Variants in CREB5 observed in about 807,000 individuals in gnomAD.
CREB5 encodes cAMP responsive element binding protein 5.
CREB5 carries 19 observed loss-of-function variants against 57.1 expected under a neutral mutation model. The ratio of observed to expected loss-of-function variants is 0.33; its 90% CI spans 0.23 to 0.49. The LOEUF is 0.49. Ranked by LOEUF, CREB5 falls within the 20% of genes least tolerant of loss-of-function variation. The pLI, the probability that CREB5 is intolerant of heterozygous loss-of-function variation, is 0.99. For missense variants in CREB5, 579 were observed against 671.6 expected (o/e 0.86, Z 1.52); for synonymous variants, 238 against 238.3 (o/e 1.00, Z 0.01).
At chr7:28,560,893 TGTGC>T (rs1437419750) in intron 4 of CREB5, among the ~76,000 whole-genome samples, 219 of 20,428 alleles carry the variant, frequency 0.011, 27 homozygotes, top group African/African-American at 0.03. Context: ...CGTGCGTGTG[TGTGC>T]GTGCGCGCGT....
At chr7:28,633,758 T>G (rs1798297757) in intron 5 of CREB5, among the ~76,000 whole-genome samples, 1 of 152,144 alleles carries the variant, frequency 6.6e-6, no homozygotes, top group Non-Finnish European at 1.5e-5. Flanking sequence ...TCCAAGAGCA[T>G]CTCCAAAGAC....
intron 1 of CREB5, among the ~76,000 whole-genome samples, chr7:28,460,912 T>TGG (rs564618153): frequency 6.6e-6 from 1 of 151,692 alleles, no homozygotes; most frequent in Non-Finnish European, 1.5e-5. Flanking sequence ...GTGGATCTTA[T>TGG]GGGGGGGCAT....
intron 5 of CREB5, among the ~76,000 whole-genome samples, chr7:28,693,739 A>C (rs1562576632): frequency 6.6e-6 from 1 of 152,226 alleles, no homozygotes. Flanking sequence ...TTCATTTATG[A>C]AATGGAATTC....
intron 7 of CREB5, among the ~76,000 whole-genome samples, chr7:28,755,048 T>C (rs904134151): frequency 6.6e-6 from 1 of 152,168 alleles, no homozygotes; most frequent in African/African-American, 2.4e-5. Context: ...AACCAAATCC[T>C]ATAGAGTTCA....
intron 5 of CREB5, among the ~76,000 whole-genome samples, chr7:28,711,036 G>A (rs1210267844): frequency 6.6e-6 from 1 of 152,158 alleles, no homozygotes; most frequent in Non-Finnish European, 1.5e-5. Context: ...CACTATGGCA[G>A]GTATACCAGG....
chr7:28,564,802 T>G (rs1795416351), intron 4 of CREB5, among the ~76,000 whole-genome samples: 2 of 152,242 alleles, frequency 1.3e-5, no homozygotes, highest in Non-Finnish European at 1.5e-5. Flanking sequence ...CAGAAAGCTA[T>G]AATTTTTGGG....
intron 5 of CREB5, among the ~76,000 whole-genome samples, chr7:28,658,138 G>A (rs1177175076): frequency 6.6e-6 from 1 of 152,190 alleles, no homozygotes; most frequent in African/African-American, 2.4e-5. Flanking sequence ...GGCGGAGCAC[G>A]GCTTGCACAT....
At chr7:28,361,940 T>C (rs1211824575) in intron 1 of CREB5, among the ~76,000 whole-genome samples, 2 of 152,222 alleles carry the variant, frequency 1.3e-5, no homozygotes, top group African/African-American at 4.8e-5. Context: ...AGTTCTTTAT[T>C]GAAGTAAAAG....
At chr7:28,394,611 C>T (rs960318098) in intron 1 of CREB5, among the ~76,000 whole-genome samples, 1 of 152,114 alleles carries the variant, frequency 6.6e-6, no homozygotes, top group Non-Finnish European at 1.5e-5. Context: ...TTCTTAAGAG[C>T]CCTTGCTTTT....
At chr7:28,343,985 G>A (rs894692387) in intron 1 of CREB5, among the ~76,000 whole-genome samples, 1 of 150,560 alleles carries the variant, frequency 6.6e-6, no homozygotes, top group African/African-American at 2.4e-5. Context: ...ATACCTGTTG[G>A]TCATTTGTAT....
rs916435452 is a variant in CREB5 at position 28,412,623 on chromosome 7, A to G, written c.-292A>G. ...CATGTCAGTTAAATCTAGGGAGTTC[A>G]AGACTACTGGAAAAATTAGTCTCAT... On this transcript the variant is annotated 5_prime_UTR_variant, in exon 1 of 11. Transcript: ENST00000357727. 9 of 311,432 alleles carry G rather than the reference A, an allele frequency of 2.9e-5. No individual in the cohort carries two copies. Among genetic ancestry groups the G allele is most frequent in the Admixed American group, 4.9e-5 (1 of 20,386 alleles). 19.3% of individuals were successfully genotyped at this position (311,432 alleles called of 1,614,324 possible). A position where few individuals can be genotyped will look rare whatever the true frequency, so the allele number is the denominator to read the frequency against.
chr7:28,432,822 G>A (rs1436697875), intron 1 of CREB5, among the ~76,000 whole-genome samples: 1 of 152,086 alleles, frequency 6.6e-6, no homozygotes, highest in Non-Finnish European at 1.5e-5. Context: ...AAATAAAAAA[G>A]AAGAAGAAAA....
At position 28,328,850 on chromosome 7, in the gene CREB5, C is replaced by T. The variant is rs542564018; in HGVS notation, c.-25+29409C>T. ...ATGATGGGTCAAACTTTGAAAACCA[C>T]GGCTTAGGGTATTGAGAGGGCTCTT... is the stretch of plus-strand genomic sequence containing the variant. On this transcript the variant is annotated intron_variant, in intron 1 of 9. Transcript: ENST00000396299. Among the ~76,000 whole-genome samples the T allele has an allele frequency of 9.5e-4, 145 of 152,284 alleles. 1 individual carries two copies. The highest frequency in any genetic ancestry group is 3.3e-3 in the African/African-American group (136 of 41,550).
At chr7:28,370,012 T>A (rs1252798148) in intron 1 of CREB5, among the ~76,000 whole-genome samples, 2 of 152,340 alleles carry the variant, frequency 1.3e-5, no homozygotes, top group East Asian at 3.9e-4. Flanking sequence ...TAATGCTGTC[T>A]GTTAGTTGTA....
chr7:28,437,618 C>G, intron 1 of CREB5, among the ~76,000 whole-genome samples: 1 of 152,084 alleles, frequency 6.6e-6, no homozygotes, highest in Non-Finnish European at 1.5e-5. Flanking sequence ...AAAAGCACAG[C>G]TAATTTTACC....
At chr7:28,591,542 T>G (rs1796516925) in intron 5 of CREB5, among the ~76,000 whole-genome samples, 2 of 152,158 alleles carry the variant, frequency 1.3e-5, no homozygotes, top group South Asian at 4.1e-4. Context: ...CCACAGTTAA[T>G]TGCTGCTTCC....
intron 1 of CREB5, among the ~76,000 whole-genome samples, chr7:28,375,430 G>T (rs1009565665): frequency 4.6e-5 from 7 of 152,002 alleles, no homozygotes; most frequent in Non-Finnish European, 1.0e-4. Flanking sequence ...AATGAATAAG[G>T]CTTAGTATTT....
chr7:28,407,885 C>T (rs574971688), upstream of CREB5, among the ~76,000 whole-genome samples: 149 of 152,310 alleles, frequency 9.8e-4, no homozygotes, highest in African/African-American at 3.6e-3. Context: ...GCAAACTGCA[C>T]CGTCATGGTT....
chr7:28,332,749 CACTA>C (rs1276918867), intron 1 of CREB5, among the ~76,000 whole-genome samples: 4 of 152,150 alleles, frequency 2.6e-5, no homozygotes, highest in Non-Finnish European at 4.4e-5. Context: ...TTTTTTCCCT[CACTA>C]ACTAACTTAT....
Sources: allele counts gnomAD v4.1 joint callset (sites outside exome capture counted in the v4.1 genomes callset), GRCh38; gene constraint gnomAD v4.1.1; transcripts MANE v1.5; gene names NCBI Gene and HGNC (gene_info 2026-07-23, HGNC 2026-07-21).